The following B4GALT6 variants were observed in gnomAD, a reference collection of about 807,000 sequenced individuals.
B4GALT6 encodes the protein beta-1,4-galactosyltransferase 6.
In B4GALT6, 14 loss-of-function variants were observed where a neutral mutation model predicts 46.3. The observed-to-expected ratio is 0.30, with a 90% CI of 0.20 to 0.47. B4GALT6 has a LOEUF of 0.47. Among genes scored for constraint, B4GALT6 ranks in the 20% least tolerant of loss-of-function variants. The pLI, the probability that B4GALT6 is intolerant of heterozygous loss-of-function variation, is 0.99. For missense variants in B4GALT6, 386 were observed against 480.1 expected (o/e 0.80, Z 1.83); for synonymous variants, 168 against 162.0 (o/e 1.04, Z -0.28).
At chr18:31,688,168 G>A (rs991740764), upstream of B4GALT6, among the ~76,000 whole-genome samples, 8 of 151,080 alleles carry the variant, frequency 5.3e-5, no homozygotes, top group South Asian at 1.5e-3. Flanking sequence ...AATTGAATTT[G>A]TATTTATATA....
At chr18:31,667,902 C>A (rs952542512) in intron 1 of B4GALT6, among the ~76,000 whole-genome samples, 3 of 152,134 alleles carry the variant, frequency 2.0e-5, no homozygotes, top group Admixed American at 6.5e-5. Context: ...CGAGACCATC[C>A]TGGCCAACAT....
At chr18:31,714,413 G>A in the B4GALT6 span, among the ~76,000 whole-genome samples, 1 of 152,190 alleles carries the variant, frequency 6.6e-6, no homozygotes, top group African/African-American at 2.4e-5. Context: ...ACAGACAGAG[G>A]TTGCACAGAC....
At chr18:31,651,183 C>T (rs944972311) in intron 3 of B4GALT6, among the ~76,000 whole-genome samples, 3 of 152,132 alleles carry the variant, frequency 2.0e-5, no homozygotes, top group African/African-American at 7.2e-5. Flanking sequence ...TCTACCACCC[C>T]CTCAACCTGC....
At position 31,671,417 on chromosome 18, in the gene B4GALT6, T is replaced by C. The variant is rs1019821410; in HGVS notation, c.116-5045A>G. ...AACAGCTCCAGCATCTGTTGTTTCC[T>C]GACTTTTTAATGATCACCACTGTAA... On this transcript the variant is annotated intron_variant, in intron 1 of 8. Transcript: ENST00000306851. Among the ~76,000 whole-genome samples, 2 of 152,214 alleles carry C rather than the reference T, an allele frequency of 1.3e-5. 1 individual carries two copies. Among genetic ancestry groups the C allele is most frequent in the Admixed American group, 1.3e-4 (2 of 15,288 alleles).
the B4GALT6 span, among the ~76,000 whole-genome samples, chr18:31,699,091 AAAAG>A: frequency 6.6e-6 from 1 of 151,788 alleles, no homozygotes; most frequent in Non-Finnish European, 1.5e-5. Flanking sequence ...AAAAAAAAAA[AAAAG>A]AAAGAAAGAA....
chr18:31,646,809 A>C (rs2073996219), intron 3 of B4GALT6, among the ~76,000 whole-genome samples: 1 of 152,226 alleles, frequency 6.6e-6, no homozygotes, highest in Non-Finnish European at 1.5e-5. Flanking sequence ...GCCTCCACGC[A>C]GGCATGCTAG....
the B4GALT6 span, among the ~76,000 whole-genome samples, chr18:31,706,193 T>C: frequency 6.6e-6 from 1 of 152,156 alleles, no homozygotes; most frequent in Non-Finnish European, 1.5e-5. Flanking sequence ...CATATGTATA[T>C]GTATAAATGT....
At chr18:31,653,859 G>A (rs1462067841) in intron 3 of B4GALT6, among the ~76,000 whole-genome samples, 2 of 152,084 alleles carry the variant, frequency 1.3e-5, no homozygotes, top group Non-Finnish European at 2.9e-5. Flanking sequence ...GAACAACACA[G>A]GGACCGCTGC....
chr18:31,712,287 A>ATTTTGTTTTTTTT, the B4GALT6 span, among the ~76,000 whole-genome samples: 2 of 84,642 alleles, frequency 2.4e-5, no homozygotes, highest in Non-Finnish European at 4.2e-5. Flanking sequence ...CTGGGACGTT[A>ATTTTGTTTTTTTT]TTTTTTTTTT....
chr18:31,676,635 T>C (rs1247778632), intron 1 of B4GALT6, among the ~76,000 whole-genome samples: 1 of 152,172 alleles, frequency 6.6e-6, no homozygotes, highest in Non-Finnish European at 1.5e-5. Context: ...CAGTAAAACA[T>C]GATGTTATAA....
intron 1 of B4GALT6, among the ~76,000 whole-genome samples, chr18:31,675,846 A>G (rs1237391623): frequency 6.6e-6 from 1 of 152,218 alleles, no homozygotes; most frequent in Non-Finnish European, 1.5e-5. Context: ...GTATATAAGA[A>G]GTCTATCAAA....
the B4GALT6 span, among the ~76,000 whole-genome samples, chr18:31,709,553 ATGTGTGTG>A: frequency 0.46 from 57,910 of 126,654 alleles, 14,212 homozygotes; most frequent in South Asian, 0.57. Context: ...TAGGATATAT[ATGTGTGTG>A]TGTGTGTGTG....
At chr18:31,700,566 C>T in the B4GALT6 span, among the ~76,000 whole-genome samples, 1 of 152,006 alleles carries the variant, frequency 6.6e-6, no homozygotes, top group Non-Finnish European at 1.5e-5. Context: ...GCGCCATTCT[C>T]CTGCCTCAGC....
upstream of B4GALT6, chr18:31,685,769 G>C (rs1377172214): frequency 1.3e-5 from 2 of 152,330 alleles, no homozygotes; most frequent in African/African-American, 4.8e-5. Flanking sequence ...GACTTCGCGG[G>C]TGGAATTTCC....
Position 31,684,512 on chromosome 18 carries a change from C to A in B4GALT6, c.-86G>T. ...CAGGCCCTAAACTTCCATAAATGTG[C>A]TGAGAACCCCGAGACTGCAGCGGGG... On this transcript the variant is annotated 5_prime_UTR_variant, in exon 1 of 9. Coordinates refer to ENST00000306851, the MANE Select transcript of B4GALT6 (RefSeq NM_004775.5). 1 of 1,542,722 alleles carries A rather than the reference C, an allele frequency of 6.5e-7. No individual in the cohort carries two copies.
intron 2 of B4GALT6, among the ~76,000 whole-genome samples, chr18:31,659,565 T>C (rs2074186492): frequency 6.6e-6 from 1 of 152,168 alleles, no homozygotes; most frequent in South Asian, 2.1e-4. Flanking sequence ...AAGAAGTGCT[T>C]GGAAACCCCA....
upstream of B4GALT6, chr18:31,684,619 G>A (rs1272468747): frequency 1.6e-6 from 2 of 1,226,434 alleles, no homozygotes; most frequent in Non-Finnish European, 2.1e-6. Flanking sequence ...TGGGAGGCCA[G>A]AGAGTCGGGG....
chr18:31,630,323 G>A (rs1327741323), intron 6 of B4GALT6, among the ~76,000 whole-genome samples: 3 of 151,986 alleles, frequency 2.0e-5, no homozygotes, highest in Non-Finnish European at 4.4e-5. Flanking sequence ...TCCCATATTA[G>A]ACTTGCATTC....
intron 3 of B4GALT6, among the ~76,000 whole-genome samples, chr18:31,653,705 C>G (rs1212998139): frequency 1.3e-5 from 2 of 152,060 alleles, no homozygotes; most frequent in Admixed American, 6.6e-5. Flanking sequence ...CCTCAGCCTC[C>G]CAAACTGCTA....
Sources: allele counts gnomAD v4.1 joint callset (sites outside exome capture counted in the v4.1 genomes callset), GRCh38; gene constraint gnomAD v4.1.1; transcripts MANE v1.5; gene names NCBI Gene and HGNC (gene_info 2026-07-23, HGNC 2026-07-21).